Variants in MAF observed in about 807,000 individuals in gnomAD.
The protein encoded by MAF is MAF bZIP transcription factor.
In MAF, 10 loss-of-function variants were observed where a neutral mutation model predicts 22.0. The observed-to-expected ratio is 0.45, with a 90% CI of 0.28 to 0.77. The LOEUF (loss-of-function observed/expected upper bound fraction) is 0.77, where lower values mean the gene tolerates loss of function less well. Among genes scored for constraint, MAF ranks in the 30% least tolerant of loss-of-function variants. The pLI is 0.12. For synonymous variants in MAF, 337 were observed against 255.8 expected (o/e 1.32, Z -3.03); for missense variants, 544 against 548.4 (o/e 0.99, Z 0.08).
At chr16:79,598,147 G>T in intron 1 of MAF, 1 of 1,042,244 alleles carries the variant, frequency 9.6e-7, no homozygotes. Context: ...GAACTCAGGA[G>T]AAGAAAAAAA....
At chr16:79,239,216 C>T in the MAF span, among the ~76,000 whole-genome samples, 6 of 152,022 alleles carry the variant, frequency 3.9e-5, no homozygotes, top group African/African-American at 7.2e-5. Flanking sequence ...CAAATTCTGC[C>T]GAGCTGGAAC....
the MAF span, among the ~76,000 whole-genome samples, chr16:79,350,848 G>A: frequency 6.7e-6 from 1 of 149,930 alleles, no homozygotes; most frequent in Non-Finnish European, 1.5e-5. Flanking sequence ...ACAGCAGGTG[G>A]CCTGCCTAAC....
chr16:79,299,803 A>G, the MAF span, among the ~76,000 whole-genome samples: 4 of 151,946 alleles, frequency 2.6e-5, no homozygotes, highest in East Asian at 3.9e-4. Flanking sequence ...TTCCTTTCTT[A>G]TTTTCTCTCT....
chr16:79,492,649 TTAAG>T, the MAF span, among the ~76,000 whole-genome samples: 57 of 151,940 alleles, frequency 3.8e-4, no homozygotes, highest in Non-Finnish European at 5.3e-4. Context: ...CATGAAAAGG[TTAAG>T]TAAATTGTAG....
chr16:79,282,248 G>A, the MAF span, among the ~76,000 whole-genome samples: 4 of 152,140 alleles, frequency 2.6e-5, no homozygotes, highest in Admixed American at 6.5e-5. Context: ...ATGGAGACTC[G>A]GAGTGGTATT....
At chr16:79,255,886 G>A in the MAF span, among the ~76,000 whole-genome samples, 1 of 151,708 alleles carries the variant, frequency 6.6e-6, no homozygotes, top group African/African-American at 2.4e-5. Context: ...CCTTTTCATG[G>A]TACCTGGTGT....
At chr16:79,579,157 C>T in the MAF span, among the ~76,000 whole-genome samples, 31 of 152,164 alleles carry the variant, frequency 2.0e-4, no homozygotes, top group African/African-American at 5.8e-4. Context: ...AATTCTAGTG[C>T]GCATACTCTG....
the MAF span, among the ~76,000 whole-genome samples, chr16:79,483,957 C>G: frequency 3.2e-4 from 48 of 152,268 alleles, 1 homozygote; most frequent in African/African-American, 1.1e-3. Context: ...GAGTGGCCAA[C>G]TTGACAAATA....
At chr16:79,477,403 A>G in the MAF span, among the ~76,000 whole-genome samples, 1 of 152,176 alleles carries the variant, frequency 6.6e-6, no homozygotes, top group Non-Finnish European at 1.5e-5. Flanking sequence ...CAGAATAAAG[A>G]AGGCCAGCCT....
the MAF span, among the ~76,000 whole-genome samples, chr16:79,340,818 C>G: frequency 6.6e-6 from 1 of 152,122 alleles, no homozygotes; most frequent in Non-Finnish European, 1.5e-5. Context: ...CCCTGGGAAG[C>G]AAATCGCCCC....
At chr16:79,210,119 T>TGTCTC in the MAF span, among the ~76,000 whole-genome samples, 1 of 152,192 alleles carries the variant, frequency 6.6e-6, no homozygotes, top group Non-Finnish European at 1.5e-5. Context: ...CCCAAGTCTT[T>TGTCTC]GTCTCACTCA....
the MAF span, among the ~76,000 whole-genome samples, chr16:79,346,388 G>C: frequency 0.25 from 38,648 of 151,876 alleles, 7,128 homozygotes; most frequent in African/African-American, 0.53. Context: ...ACCTCAATTT[G>C]TTCTAATGAA....
At chr16:79,555,661 C>T in the MAF span, among the ~76,000 whole-genome samples, 5 of 152,150 alleles carry the variant, frequency 3.3e-5, no homozygotes, top group South Asian at 1.0e-3. Flanking sequence ...AAAGGAAATG[C>T]TCATTGGAGC....
At chr16:79,226,696 G>A in the MAF span, among the ~76,000 whole-genome samples, 3 of 151,946 alleles carry the variant, frequency 2.0e-5, no homozygotes, top group Non-Finnish European at 4.4e-5. Context: ...TTTATCTCTG[G>A]GTAGAGGACA....
the MAF span, among the ~76,000 whole-genome samples, chr16:79,472,801 A>C: frequency 1.3e-5 from 2 of 152,174 alleles, no homozygotes; most frequent in African/African-American, 4.8e-5. Context: ...CAATAATGTT[A>C]GAAAAGAAGG....
the MAF span, among the ~76,000 whole-genome samples, chr16:79,416,904 T>C: frequency 1.3e-5 from 2 of 152,198 alleles, no homozygotes; most frequent in African/African-American, 4.8e-5. Context: ...TGTTTTTTAC[T>C]CATGAAGTAT....
the MAF span, among the ~76,000 whole-genome samples, chr16:79,251,543 C>T: frequency 6.6e-6 from 1 of 152,080 alleles, no homozygotes; most frequent in Admixed American, 6.6e-5. Context: ...TCTCGAACTC[C>T]TGACCTCAGG....
chr16:79,321,451 T>C, the MAF span, among the ~76,000 whole-genome samples: 1 of 152,092 alleles, frequency 6.6e-6, no homozygotes, highest in East Asian at 1.9e-4. Context: ...TACAAGAACA[T>C]GGAGGCTAGA....
chr16:79,240,574 C>T, the MAF span, among the ~76,000 whole-genome samples: 1 of 148,752 alleles, frequency 6.7e-6, no homozygotes, highest in Non-Finnish European at 1.5e-5. Flanking sequence ...CCCCCATCTC[C>T]CTGGGACAGA....
Sources: gnomAD v4.1 joint callset for allele counts (sites outside exome capture counted in the v4.1 genomes callset) on GRCh38, gnomAD v4.1.1 for gene constraint, MANE v1.5 for transcripts, NCBI Gene and HGNC (gene_info 2026-07-23, HGNC 2026-07-21) for gene names.